CELSR1: variants seen among roughly 807,000 people sequenced by gnomAD.
CELSR1 encodes cadherin EGF LAG seven-pass G-type receptor 1, also known as adhesion G protein-coupled receptor C1.
CELSR1 carries 110 observed loss-of-function variants against 249.1 expected under a neutral mutation model. The ratio of observed to expected loss-of-function variants is 0.44; its 90% confidence interval spans 0.38 to 0.52. CELSR1 has a LOEUF of 0.52. Among genes scored for constraint, CELSR1 ranks in the 20% least tolerant of loss-of-function variants. The pLI, the probability that CELSR1 is intolerant of heterozygous loss-of-function variation, is 0.00. For synonymous variants in CELSR1, 2,113 were observed against 1,900.0 expected (o/e 1.11, Z -2.92); for missense variants, 4,109 against 4,296.4 (o/e 0.96, Z 1.22).
In CELSR1 at chr22:46,536,293, C is replaced by T. The variant is rs761819117; in HGVS notation, c.878G>A (p.Arg293Gln). ...GGCAGAGTCGATTCGGAAGTAGCCCCGGGAGCGCTCGTCGAACAGCCCCTC... is the reference window on the plus strand; with the variant it reads ...GGCAGAGTCGATTCGGAAGTAGCCCTGGGAGCGCTCGTCGAACAGCCCCTC... ...YMEGLFDERS[R>Q]GYFRIDSATG... The change falls in exon 1 of 35, where the codon CGG becomes CAG. Residue 293 changes from arginine (R) to glutamine (Q), a missense_variant. Physicochemically the swap from Arg to Gln is conservative, Grantham distance 43 (BLOSUM62 1). Coordinates refer to ENST00000674500, the MANE Select transcript of CELSR1 (RefSeq NM_001378328.1). The T allele has an allele frequency of 1.2e-6, 2 of 1,612,608 alleles. No homozygotes were observed. Among genetic ancestry groups the T allele is most frequent in the Non-Finnish European group, 1.7e-6 (2 of 1,179,888 alleles).
chr22:46,451,061 T>C (rs1602153837), intron 2 of CELSR1, among the ~76,000 whole-genome samples: 1 of 151,824 alleles, frequency 6.6e-6, no homozygotes, highest in Non-Finnish European at 1.5e-5. Flanking sequence ...CCTCTCCTCC[T>C]CCCCAGCTCC....
intron 5 of CELSR1, among the ~76,000 whole-genome samples, chr22:46,418,152 G>A (rs1414127136): frequency 1.3e-5 from 2 of 152,254 alleles, no homozygotes; most frequent in African/African-American, 4.8e-5. Flanking sequence ...GTTTTCTCAA[G>A]TTTTGCTGTT....
chr22:46,516,120 G>A (rs2080624819), intron 1 of CELSR1, among the ~76,000 whole-genome samples: 1 of 152,116 alleles, frequency 6.6e-6, no homozygotes, highest in Non-Finnish European at 1.5e-5. Context: ...TATACCCAAA[G>A]GATTATAAAT....
At chr22:46,404,417 A>G (rs933627738) in intron 9 of CELSR1, among the ~76,000 whole-genome samples, 1 of 152,164 alleles carries the variant, frequency 6.6e-6, no homozygotes, top group Admixed American at 6.5e-5. Context: ...ATTTCAAAAA[A>G]AAAAGAAAAA....
chr22:46,437,696 A>G lies in CELSR1; in HGVS notation c.4407-1407T>C, dbSNP rs2079680172. ...AACCTGGGAGGCGGAAGTTGCAGTGAGCCGAGATCATACCACCACTGCACT... is the reference window on the plus strand; with the variant it reads ...AACCTGGGAGGCGGAAGTTGCAGTGGGCCGAGATCATACCACCACTGCACT... On this transcript the variant is annotated intron_variant, in intron 3 of 34. Transcript: ENST00000674500. The surrounding 1 kb of genome is among the most constrained non-coding windows in gnomAD (Gnocchi z 4.9). Among the ~76,000 whole-genome samples the G allele has an allele frequency of 6.6e-6, 1 of 151,484 alleles. No homozygotes were observed. Among genetic ancestry groups the G allele is most frequent in the Admixed American group, 6.6e-5 (1 of 15,188 alleles).
intron 20 of CELSR1, 78 bp downstream of exon 20, chr22:46,384,465 C>A: frequency 6.8e-7 from 1 of 1,470,534 alleles, no homozygotes; most frequent in South Asian, 1.4e-5. Context: ...GCAGGTCCTG[C>A]GATGCCCGCA....
chr22:46,439,583 A>G (rs2079716931), intron 2 of CELSR1, among the ~76,000 whole-genome samples, 172 bp from the exon 3 acceptor site: 1 of 152,180 alleles, frequency 6.6e-6, no homozygotes, highest in Admixed American at 6.5e-5. Context: ...TGAGTTCTCA[A>G]GGACTTGCCC....
chr22:46,486,704 G>A (rs748791825), intron 1 of CELSR1, among the ~76,000 whole-genome samples: 5 of 151,966 alleles, frequency 3.3e-5, no homozygotes, highest in Non-Finnish European at 5.9e-5. Flanking sequence ...TTAGCCGGGC[G>A]TAGTGGCGCA....
intron 27 of CELSR1, among the ~76,000 whole-genome samples, chr22:46,368,285 G>C (rs1212379599): frequency 6.6e-6 from 1 of 152,110 alleles, no homozygotes; most frequent in Admixed American, 6.5e-5. Context: ...ACAAGGGGAA[G>C]ACAAAGGCGC....
rs2079627669 is a variant in CELSR1, at chr22:46,433,968, C to T, written c.4523-487G>A. Among the ~76,000 whole-genome samples, 1 of 152,248 alleles carries T rather than the reference C, an allele frequency of 6.6e-6. No homozygotes were observed. Among genetic ancestry groups the T allele is most frequent in the Non-Finnish European group, 1.5e-5 (1 of 68,044 alleles). ...AAACTGCTGGGATAACGGGCGTGAGCCACCGCGCCTGGCCTTGTTCCTTTT... is the reference window on the plus strand; with the variant it reads ...AAACTGCTGGGATAACGGGCGTGAGTCACCGCGCCTGGCCTTGTTCCTTTT... On this transcript the variant is annotated intron_variant, in intron 4 of 34. Coordinates refer to ENST00000674500, the MANE Select transcript of CELSR1 (RefSeq NM_001378328.1). This position sits in a 1 kb window ranked among gnomAD's most constrained non-coding sequence, Gnocchi z 5.7.
chr22:46,406,518 C>T lies in CELSR1; in HGVS notation c.5226+2478G>A, dbSNP rs1046185077. Among the ~76,000 whole-genome samples the T allele has an allele frequency of 2.0e-5, 3 of 152,250 alleles. No homozygotes were observed. Among genetic ancestry groups the T allele is most frequent in the African/African-American group, 7.2e-5 (3 of 41,472 alleles). ...CTGCTGAGGGACTGACCTCCACCAG[C>T]CTGCTGGGAGCACTCTCGGTCCTGC... On this transcript the variant is annotated intron_variant, in intron 9 of 34. Coordinates refer to ENST00000674500, the MANE Select transcript of CELSR1 (RefSeq NM_001378328.1). The surrounding 1 kb of genome is among the most constrained non-coding windows in gnomAD (Gnocchi z 5.4).
Position 46,398,506 on chromosome 22 carries a change from CCCACAA to C in CELSR1, c.5526+12_5526+17del. 6.4e-7 allele frequency: 1 copy of C among 1,559,974 alleles called. No individual in the cohort carries two copies. The highest frequency in any genetic ancestry group is 8.7e-7 in the Non-Finnish European group (1 of 1,144,062). On this transcript the variant is annotated intron_variant, in intron 11 of 34. Transcript: ENST00000674500. The surrounding 1 kb of genome is among the most constrained non-coding windows in gnomAD (Gnocchi z 7.2). ...GTGAGGGGCAGGCCTCCCCCCGCCCCCCACAACCCCCACGCACCTGCATGCAGCCTC... is the reference window on the plus strand; with the variant it reads ...GTGAGGGGCAGGCCTCCCCCCGCCCCCCCCCACGCACCTGCATGCAGCCTC...
intron 19 of CELSR1, among the ~76,000 whole-genome samples, chr22:46,386,149 T>A (rs1348276879): frequency 6.6e-6 from 1 of 152,162 alleles, no homozygotes; most frequent in Non-Finnish European, 1.5e-5. Context: ...TTTGTATTTT[T>A]AGTAGAGATG....
intron 3 of CELSR1, 83 bp downstream of exon 3, chr22:46,439,106 C>T (rs562649260): frequency 2.6e-5 from 34 of 1,319,558 alleles, no homozygotes; most frequent in Admixed American, 1.7e-4. Flanking sequence ...ATCAACGTCA[C>T]GATCTAGAGG....
In CELSR1 at chr22:46,501,199, A is replaced by ATTT. The variant is rs57293109; in HGVS notation, c.3544+32425_3544+32427dup. On this transcript the variant is annotated intron_variant, in intron 1 of 34. Coordinates refer to ENST00000674500, the MANE Select transcript of CELSR1 (RefSeq NM_001378328.1). ...AGGCACCCGCCATCATGCCCGGCTA[A>ATTT]TTTTTTTTTTTTTTTTTTTTTTTTT... Among the ~76,000 whole-genome samples, 46 of 108,544 alleles carry ATTT rather than the reference A, an allele frequency of 4.2e-4. 1 individual carries two copies. Among genetic ancestry groups the ATTT allele is most frequent in the African/African-American group, 1.1e-3 (27 of 24,602 alleles). The allele number at this position is 108,544 out of a possible 152,430, so 71.2% of individuals were successfully genotyped here. A position where few individuals can be genotyped will look rare whatever the true frequency, so the allele number is the denominator to read the frequency against.
In CELSR1 at chr22:46,488,063, C is replaced by T. The variant is rs1047183708; in HGVS notation, c.3545-23718G>A. On this transcript the variant is annotated intron_variant, in intron 1 of 34. Coordinates refer to ENST00000674500, the MANE Select transcript of CELSR1 (RefSeq NM_001378328.1). This position sits in a 1 kb window ranked among gnomAD's most constrained non-coding sequence, Gnocchi z 4.7. The stretch of plus-strand genomic sequence containing the variant: ...TGCTGACAGGATCAGCTGACAGGGG[C>T]GTGAGGGAGGGGTGTCAAGTACCAG... Among the ~76,000 whole-genome samples, 2 of 139,914 alleles carry T rather than the reference C, an allele frequency of 1.4e-5. No individual in the cohort carries two copies. Among genetic ancestry groups the T allele is most frequent in the East Asian group, 2.1e-4 (1 of 4,766 alleles). The allele number at this position is 139,914 out of a possible 152,430, so 91.8% of individuals were successfully genotyped here. A position where few individuals can be genotyped will look rare whatever the true frequency, so the allele number is the denominator to read the frequency against.
chr22:46,379,609 G>A (rs141643736), intron 22 of CELSR1, among the ~76,000 whole-genome samples: 1 of 152,326 alleles, frequency 6.6e-6, no homozygotes, highest in African/African-American at 2.4e-5. Context: ...CAGGTGCCAT[G>A]CTGGTTGCTT....
chr22:46,443,091 C>A (rs1242480252), intron 2 of CELSR1, among the ~76,000 whole-genome samples: 1 of 151,422 alleles, frequency 6.6e-6, no homozygotes, highest in African/African-American at 2.4e-5. Context: ...GAGCGAGACT[C>A]CGTCTCTTAA....
In CELSR1 at chr22:46,464,363, G is replaced by A. The variant is rs759867518; in HGVS notation, c.3545-18C>T. The stretch of plus-strand genomic sequence containing the variant: ...GATGCCATCTGCAGACACAAGGAAA[G>A]TCAGGGTCATTCAGATGCTGCGGGA... On this transcript the variant is annotated intron_variant, in intron 1 of 34. Coordinates refer to ENST00000674500, the MANE Select transcript of CELSR1 (RefSeq NM_001378328.1). This position sits in a 1 kb window ranked among gnomAD's most constrained non-coding sequence, Gnocchi z 8.5. 1 of 1,601,826 alleles carries A rather than the reference G, an allele frequency of 6.2e-7. No individual in the cohort carries two copies. The highest frequency in any genetic ancestry group is 8.5e-7 in the Non-Finnish European group (1 of 1,173,756).
Sources: gnomAD v4.1 joint callset for allele counts (sites outside exome capture counted in the v4.1 genomes callset) on GRCh38, gnomAD v4.1.1 for gene constraint, Gnocchi (gnomAD v3.1) non-coding constraint, MANE v1.5 for transcripts, NCBI Gene and HGNC (gene_info 2026-07-23, HGNC 2026-07-21) for gene names.